The following KATNBL1 variants were observed in gnomAD, a reference collection of about 807,000 sequenced individuals.
KATNBL1 encodes the protein katanin regulatory subunit B1 like 1.
In KATNBL1, 28 loss-of-function variants were observed where a neutral mutation model predicts 44.7. The ratio of observed to expected loss-of-function variants is 0.63; its 90% CI spans 0.46 to 0.86. The LOEUF (loss-of-function observed/expected upper bound fraction) is 0.86. Among genes scored for constraint, KATNBL1 ranks in the 40% least tolerant of loss-of-function variants. The pLI is 0.00. For missense variants in KATNBL1, 272 were observed against 350.7 expected, an observed-to-expected ratio of 0.78 and a Z score of 1.79; for synonymous variants, 78 against 114.9, an observed-to-expected ratio of 0.68 and a Z score of 2.06.
At chr15:34,200,141 C>A (rs1890140399) in intron 1 of KATNBL1, among the ~76,000 whole-genome samples, 1 of 152,160 alleles carries the variant, frequency 6.6e-6, no homozygotes, top group South Asian at 2.1e-4. Context: ...AGTCCCCACC[C>A]AACCCAGAAA....
intron 1 of KATNBL1, among the ~76,000 whole-genome samples, chr15:34,197,698 T>C (rs935744169): frequency 6.6e-6 from 1 of 152,254 alleles, no homozygotes; most frequent in African/African-American, 2.4e-5. Context: ...TGGCTTATTT[T>C]TATCAATTTT....
chr15:34,172,006 A>C (rs1034930665), intron 1 of KATNBL1, among the ~76,000 whole-genome samples: 27 of 152,210 alleles, frequency 1.8e-4, no homozygotes, highest in African/African-American at 6.3e-4. Context: ...AGGTGCAGCA[A>C]ACCAACATGG....
intron 1 of KATNBL1, among the ~76,000 whole-genome samples, chr15:34,182,908 TTG>T (rs1889609104): frequency 6.6e-6 from 1 of 152,198 alleles, no homozygotes; most frequent in Non-Finnish European, 1.5e-5. Flanking sequence ...TGTATTTTGA[TTG>T]TGGTGGTAAT....
At chr15:34,186,237 G>A (rs1171353383) in intron 1 of KATNBL1, among the ~76,000 whole-genome samples, 3 of 152,190 alleles carry the variant, frequency 2.0e-5, no homozygotes, top group Non-Finnish European at 4.4e-5. Context: ...GCCAGTTGCA[G>A]CAGGGAAGAC....
intron 9 of KATNBL1, chr15:34,142,839 G>A: frequency 3.4e-6 from 1 of 291,506 alleles, no homozygotes. Context: ...AGCCTCCCAA[G>A]TAGCTGGGAC....
chr15:34,193,876 AAAAATCACCAGC>A, intron 1 of KATNBL1, among the ~76,000 whole-genome samples: 1 of 151,106 alleles, frequency 6.6e-6, no homozygotes. Flanking sequence ...AAAAAAAAAA[AAAAATCACCAGC>A]AAAATCACCA....
At chr15:34,184,987 T>G (rs1285486083) in intron 1 of KATNBL1, among the ~76,000 whole-genome samples, 3 of 152,152 alleles carry the variant, frequency 2.0e-5, no homozygotes, top group African/African-American at 7.2e-5. Context: ...TTTGAAACAC[T>G]TGAGACAGGG....
chr15:34,143,117 TATTGTCCC>T, intron 9 of KATNBL1: 1 of 759,022 alleles, frequency 1.3e-6, no homozygotes, highest in Non-Finnish European at 1.9e-6. Flanking sequence ...AATCACTCAA[TATTGTCCC>T]CAATAATAAA....
At chr15:34,173,373 T>C (rs1889230040) in intron 1 of KATNBL1, among the ~76,000 whole-genome samples, 1 of 152,110 alleles carries the variant, frequency 6.6e-6, no homozygotes, top group Non-Finnish European at 1.5e-5. Context: ...AAATAAATCC[T>C]AAAATCCAAA....
At chr15:34,145,947 C>CTTTTTT (rs35429469) in intron 8 of KATNBL1, 4 of 123,306 alleles carry the variant, frequency 3.2e-5, no homozygotes, top group South Asian at 2.6e-4. Context: ...TAAATTGTGG[C>CTTTTTT]TTTTTTTTTT....
chr15:34,176,679 T>C (rs191849275), intron 1 of KATNBL1, among the ~76,000 whole-genome samples: 13 of 152,284 alleles, frequency 8.5e-5, no homozygotes, highest in African/African-American at 2.9e-4. Flanking sequence ...AATCAGTAAA[T>C]TGTACATTTT....
At chr15:34,206,113 C>T (rs75915717) in intron 1 of KATNBL1, among the ~76,000 whole-genome samples, 12,272 of 152,220 alleles carry the variant, frequency 0.081, 518 homozygotes, top group Middle Eastern at 0.11. Context: ...TACTAACAGG[C>T]TTAGCGTTGC....
chr15:34,162,635 G>C (rs1888842570), intron 2 of KATNBL1, among the ~76,000 whole-genome samples: 1 of 152,144 alleles, frequency 6.6e-6, no homozygotes, highest in Admixed American at 6.5e-5. Context: ...TTAGAGATAG[G>C]ATCTCGCACT....
chr15:34,145,013 A>T, intron 9 of KATNBL1: 1 of 920,410 alleles, frequency 1.1e-6, no homozygotes, highest in Non-Finnish European at 1.3e-6. Context: ...AACATTAGCA[A>T]AAGTAAAACT....
intron 1 of KATNBL1, among the ~76,000 whole-genome samples, chr15:34,167,859 A>G (rs1889029955): frequency 6.6e-6 from 1 of 152,334 alleles, no homozygotes; most frequent in East Asian, 1.9e-4. Context: ...GTGAAGGAGA[A>G]ATAAAATCCT....
At chr15:34,209,004 C>G (rs1325483661) in intron 1 of KATNBL1, 4 of 152,196 alleles carry the variant, frequency 2.6e-5, no homozygotes, top group Non-Finnish European at 4.4e-5. Context: ...CAGTATATAT[C>G]CCAAAGTAAA....
chr15:34,147,106 T>G (rs756547792), intron 7 of KATNBL1, 94 bp downstream of exon 7: 364 of 736,846 alleles, frequency 4.9e-4, no homozygotes, highest in Non-Finnish European at 7.6e-4. Flanking sequence ...AAACCTTGCA[T>G]GTCTCATGGA....
chr15:34,143,171 C>T, intron 9 of KATNBL1: 3 of 447,640 alleles, frequency 6.7e-6, no homozygotes, highest in Non-Finnish European at 1.0e-5. Flanking sequence ...TAAAGCTTTT[C>T]CCTTTGTAAA....
chr15:34,189,933 A>T (rs939633140), intron 1 of KATNBL1, among the ~76,000 whole-genome samples: 2 of 145,860 alleles, frequency 1.4e-5, no homozygotes, highest in African/African-American at 4.9e-5. Context: ...CAAGAGATGA[A>T]TAAGAAGTAC....
Sources: allele counts gnomAD v4.1 joint callset (sites outside exome capture counted in the v4.1 genomes callset), GRCh38; gene constraint gnomAD v4.1.1; transcripts MANE v1.5; gene names NCBI Gene and HGNC (gene_info 2026-07-23, HGNC 2026-07-21).